DGKD: variants seen among roughly 807,000 people sequenced by gnomAD.
The protein encoded by DGKD is diacylglycerol kinase delta, also known as DAG kinase delta.
Under a neutral mutation model 154.4 loss-of-function variants are expected in DGKD, and 68 were observed. The observed-to-expected ratio is 0.44, with a 90% CI of 0.36 to 0.54. The LOEUF is 0.54. DGKD is among the 20% of genes least tolerant of loss of function. DGKD has a pLI of 0.00. For missense variants in DGKD, 1,343 were observed against 1,593.6 expected (o/e 0.84, Z 2.68); for synonymous variants, 693 against 638.0 (o/e 1.09, Z -1.30).
chr2:233,381,023 T>C (rs574408830), intron 1 of DGKD, among the ~76,000 whole-genome samples: 3 of 152,256 alleles, frequency 2.0e-5, no homozygotes, highest in Admixed American at 2.0e-4. Flanking sequence ...ATGACTGTCC[T>C]TTTTCCATGA....
At position 233,437,818 on chromosome 2, in the gene DGKD, C is replaced by T. The variant is rs141290720; in HGVS notation, c.922+339C>T. Among the ~76,000 whole-genome samples the T allele has an allele frequency of 6.3e-3, 966 of 152,314 alleles. 8 individuals are homozygous for T. The highest frequency in any genetic ancestry group is 0.022 in the African/African-American group (915 of 41,548). On this transcript the variant is annotated intron_variant, in intron 8 of 29. Transcript: ENST00000264057. ...AACCCAGGTCTGGGGCCTTCTCCGT[C>T]ATGAGCCATTGAAGCTGTGCCCCAT... is the stretch of plus-strand genomic sequence containing the variant.
chr2:233,385,563 C>T (rs1033616030), intron 1 of DGKD, among the ~76,000 whole-genome samples: 7 of 152,196 alleles, frequency 4.6e-5, no homozygotes, highest in Admixed American at 2.6e-4. Flanking sequence ...AGCCCGGTGG[C>T]CCGGCATGGC....
chr2:233,463,885 C>A, intron 26 of DGKD: 1 of 432,484 alleles, frequency 2.3e-6, no homozygotes, highest in Non-Finnish European at 4.2e-6. Flanking sequence ...GGCTCCGACC[C>A]CATTTCTGAC....
intron 19 of DGKD, among the ~76,000 whole-genome samples, 189 bp downstream of exon 19, chr2:233,455,062 G>A (rs1027398557): frequency 6.6e-6 from 1 of 152,180 alleles, no homozygotes; most frequent in Non-Finnish European, 1.5e-5. Flanking sequence ...AGCACCTCTC[G>A]GGCTGGCCAG....
chr2:233,454,163 A>G (rs548037360), intron 18 of DGKD, among the ~76,000 whole-genome samples: 1 of 152,358 alleles, frequency 6.6e-6, no homozygotes, highest in East Asian at 1.9e-4. Context: ...AACTGAAAAC[A>G]TGTCCACGCT....
chr2:233,464,522 TC>T (rs1466516575), intron 27 of DGKD, among the ~76,000 whole-genome samples: 1 of 152,204 alleles, frequency 6.6e-6, no homozygotes, highest in African/African-American at 2.4e-5. Context: ...GGACCTGTTG[TC>T]CTCTGAAACA....
chr2:233,390,109 A>G (rs1360736648), intron 2 of DGKD, among the ~76,000 whole-genome samples: 1 of 152,212 alleles, frequency 6.6e-6, no homozygotes, highest in African/African-American at 2.4e-5. Flanking sequence ...AAATACCAGC[A>G]TTGGGTTGTT....
rs2062623486 is a variant in DGKD at position 233,434,404 on chromosome 2, A to G, written c.373A>G (p.Ile125Val). 6.2e-7 allele frequency: 1 copy of G among 1,612,926 alleles called. No individual in the cohort carries two copies. ...GGTCATAACTCCATGCAGGAAGCTC[A>G]TCTTGTGTGCTGATAACAGAAAAGA... The part of the protein sequence containing the change: ...FTVITPCRKL[I>V]LCADNRKEME... The change falls in exon 4 of 30, where the codon ATC (isoleucine) becomes GTC (valine). Residue 125 changes from isoleucine to valine, a missense_variant. Physicochemically the swap from Ile to Val is conservative, Grantham distance 29 (BLOSUM62 3). Transcript: ENST00000264057.
At chr2:233,405,810 A>G (rs886270185) in intron 3 of DGKD, among the ~76,000 whole-genome samples, 3 of 152,238 alleles carry the variant, frequency 2.0e-5, no homozygotes, top group African/African-American at 7.2e-5. Flanking sequence ...ACATGTCTAG[A>G]GGGCTGCTTA....
intron 3 of DGKD, chr2:233,419,419 C>T (rs1476679692): frequency 1.6e-5 from 16 of 985,436 alleles, no homozygotes; most frequent in South Asian, 4.7e-5. Context: ...GGAAGGGCAG[C>T]AGGTAAGAGC....
chr2:233,401,295 G>T (rs2061552557), intron 3 of DGKD, among the ~76,000 whole-genome samples: 1 of 152,120 alleles, frequency 6.6e-6, no homozygotes. Context: ...GTGATTATAG[G>T]CACTTACTGA....
chr2:233,355,189 C>T (rs946455880), intron 1 of DGKD, among the ~76,000 whole-genome samples: 5 of 152,136 alleles, frequency 3.3e-5, no homozygotes, highest in African/African-American at 1.2e-4. Context: ...GAGGGATCAC[C>T]CCTTCACCCC....
rs2063083810 is a variant in DGKD at position 233,446,695 on chromosome 2, T to A, written c.1335-17T>A. On this transcript the variant is annotated splice_polypyrimidine_tract_variant and intron_variant, in intron 11 of 29. Transcript: ENST00000264057. ...CTGCACGTCTTGCCGCCTGTGCAGC[T>A]GACCTTGTGTGTGCAGGTGGAGCGT... 6.2e-7 allele frequency: 1 copy of A among 1,612,288 alleles called. No homozygotes were observed.
At chr2:233,391,794 C>T (rs142978195) in intron 3 of DGKD, among the ~76,000 whole-genome samples, 32 of 152,008 alleles carry the variant, frequency 2.1e-4, no homozygotes, top group Non-Finnish European at 4.1e-4. Context: ...TTGATGTTGC[C>T]AATACAAATG....
At chr2:233,408,185 G>C (rs1273977354) in intron 3 of DGKD, among the ~76,000 whole-genome samples, 1 of 151,352 alleles carries the variant, frequency 6.6e-6, no homozygotes, top group Non-Finnish European at 1.5e-5. Context: ...TGGGACTACA[G>C]GCATGTACCA....
At chr2:233,361,838 C>G (rs1027164818) in intron 1 of DGKD, among the ~76,000 whole-genome samples, 1 of 152,260 alleles carries the variant, frequency 6.6e-6, no homozygotes, top group South Asian at 2.1e-4. Context: ...TCTTGTCACC[C>G]AGGCTGTAGT....
At chr2:233,359,647 G>A (rs915284215) in intron 1 of DGKD, among the ~76,000 whole-genome samples, 1 of 152,000 alleles carries the variant, frequency 6.6e-6, no homozygotes, top group East Asian at 1.9e-4. Context: ...TAAAGAAATC[G>A]TTAATTTATT....
intron 28 of DGKD, among the ~76,000 whole-genome samples, chr2:233,468,029 C>T (rs1165581334): frequency 6.6e-6 from 1 of 152,112 alleles, no homozygotes; most frequent in Non-Finnish European, 1.5e-5. Flanking sequence ...TGGTAAATCC[C>T]TCCTGGGACA....
At position 233,459,474 on chromosome 2, in the gene DGKD, G is replaced by C. The variant is rs1424543546; in HGVS notation, c.2695-283G>C. Among the ~76,000 whole-genome samples the C allele has an allele frequency of 6.6e-6, 1 of 151,946 alleles. No homozygotes were observed. Among genetic ancestry groups the C allele is most frequent in the Non-Finnish European group, 1.5e-5 (1 of 67,972 alleles). Reference sequence around the variant, plus strand: ...GGGAGCTACAACACCCCTGCCCCTGGGTTCTGACACCTGTTGTCTCAGCAC... The same window carrying C: ...GGGAGCTACAACACCCCTGCCCCTGCGTTCTGACACCTGTTGTCTCAGCAC... On this transcript the variant is annotated intron_variant, in intron 22 of 29. Transcript: ENST00000264057. The surrounding 1 kb of genome is among the most constrained non-coding windows in gnomAD (Gnocchi z 5.7).
Sources: gnomAD v4.1 joint callset for allele counts (sites outside exome capture counted in the v4.1 genomes callset) on GRCh38, gnomAD v4.1.1 for gene constraint, Gnocchi (gnomAD v3.1) non-coding constraint, MANE v1.5 for transcripts, NCBI Gene and HGNC (gene_info 2026-07-23, HGNC 2026-07-21) for gene names.